RCOR3: variants seen among roughly 807,000 people sequenced by gnomAD.
The protein encoded by RCOR3 is REST corepressor 3.
A neutral mutation model predicts 64.1 loss-of-function variants in RCOR3; 13 were observed. That is an observed-to-expected ratio of 0.20 (90% CI 0.13 to 0.32). The LOEUF is 0.32. Ranked by LOEUF, RCOR3 falls within the 10% of genes least tolerant of loss-of-function variation. The pLI is 1.00. For missense variants in RCOR3, 489 were observed against 701.2 expected (o/e 0.70, Z 3.42); for synonymous variants, 215 against 239.0 (o/e 0.90, Z 0.93).
chr1:211,286,520 T>G lies in RCOR3; in HGVS notation c.721-2658T>G, dbSNP rs530517767. ...GATGGGGTTTCACCGGGTTAGCCAGTATGGTCTCGATCTCCTGACCTCGTG... is the reference window on the plus strand; with the variant it reads ...GATGGGGTTTCACCGGGTTAGCCAGGATGGTCTCGATCTCCTGACCTCGTG... On this transcript the variant is annotated intron_variant, in intron 7 of 11. Transcript: ENST00000419091. Among the ~76,000 whole-genome samples the G allele has an allele frequency of 5.3e-5, 8 of 152,082 alleles. No individual in the cohort carries two copies. The East Asian group carries it at 1.2e-3, about 22-fold the overall frequency.
chr1:211,279,645 A>G lies in RCOR3; in HGVS notation c.720+329A>G, dbSNP rs559516679. 1.4e-4 allele frequency among the ~76,000 whole-genome samples: 22 copies of G among 152,280 alleles called. No individual in the cohort carries two copies. The South Asian group carries it at 4.6e-3, about 32-fold the overall frequency. The stretch of plus-strand genomic sequence containing the variant: ...CACCTTAAGCTCTTTCATCAATGTT[A>G]TTTAAAAAATTCTCTTCTACTGTAA... On this transcript the variant is annotated intron_variant, in intron 7 of 11. Coordinates refer to ENST00000419091, the MANE Select transcript of RCOR3 (RefSeq NM_001136223.3).
At chr1:211,289,483 G>T (rs1365479710) in intron 8 of RCOR3, 87 bp downstream of exon 8, 23 of 1,117,106 alleles carry the variant, frequency 2.1e-5, no homozygotes, top group Non-Finnish European at 2.7e-5. Context: ...TCAGTTGTTT[G>T]CAGATTTTTC....
Position 211,276,456 on chromosome 1 carries a change from A to T in RCOR3, c.516+38A>T. ...TAATCTTACTGTGGTTCATATGTGA[A>T]TGATATCTTAAGCTACTATTAAACA... On this transcript the variant is annotated intron_variant, in intron 5 of 11. Transcript: ENST00000419091. The T allele has an allele frequency of 1.9e-6, 3 of 1,550,814 alleles. No individual in the cohort carries two copies. The South Asian group carries it at 3.5e-5, about 18-fold the overall frequency.
At chr1:211,272,912 C>T (rs1015710943) in intron 3 of RCOR3, among the ~76,000 whole-genome samples, 12 of 152,008 alleles carry the variant, frequency 7.9e-5, no homozygotes, top group East Asian at 1.9e-4. Context: ...TGAGCCACCG[C>T]GCCCGGCCTG....
intron 3 of RCOR3, chr1:211,271,562 G>T: frequency 1.8e-6 from 1 of 566,672 alleles, no homozygotes; most frequent in Non-Finnish European, 3.3e-6. Context: ...GGATCTGATG[G>T]CATTGCTGCT....
intron 9 of RCOR3, among the ~76,000 whole-genome samples, chr1:211,300,917 CGT>C (rs1055057869): frequency 2.6e-5 from 4 of 151,172 alleles, no homozygotes; most frequent in Non-Finnish European, 3.0e-5. Flanking sequence ...TGCGTGCGTG[CGT>C]GTGTGTGTGT....
chr1:211,309,483 A>G (rs1701274761), intron 10 of RCOR3, among the ~76,000 whole-genome samples: 1 of 151,932 alleles, frequency 6.6e-6, no homozygotes, highest in Non-Finnish European at 1.5e-5. Flanking sequence ...CAGCATAGAA[A>G]GCCAAGTTGT....
chr1:211,261,149 G>GC (rs1158426125), intron 2 of RCOR3: 1 of 151,884 alleles, frequency 6.6e-6, no homozygotes, highest in Non-Finnish European at 1.5e-5. Context: ...CCATAATATT[G>GC]CGTTTGTGTC....
intron 9 of RCOR3, among the ~76,000 whole-genome samples, chr1:211,300,071 CTTT>C (rs11419492): frequency 1.6e-5 from 2 of 121,296 alleles, no homozygotes; most frequent in Non-Finnish European, 3.3e-5. Flanking sequence ...TTCTTTCTTT[CTTT>C]TTTTTTTTTT....
At chr1:211,290,436 T>G (rs1039053315) in intron 8 of RCOR3, among the ~76,000 whole-genome samples, 4 of 152,232 alleles carry the variant, frequency 2.6e-5, no homozygotes, top group African/African-American at 9.6e-5. Context: ...AAATTTCCTT[T>G]AAATCAATTC....
intron 8 of RCOR3, among the ~76,000 whole-genome samples, chr1:211,293,117 A>ATAAATAAATAAATAAG (rs1322012556): frequency 2.7e-5 from 4 of 149,856 alleles, no homozygotes; most frequent in African/African-American, 9.8e-5. Context: ...AAATAAATAA[A>ATAAATAAATAAATAAG]TAAGTCTTAA....
rs770323039 is a variant in RCOR3, at chr1:211,313,641, C to T, written c.1535C>T (p.Pro512Leu). 2 of 1,614,254 alleles carry T rather than the reference C, an allele frequency of 1.2e-6. No homozygotes were observed. The highest frequency in any genetic ancestry group is 1.7e-5 in the Admixed American group (1 of 60,028). ...PRPTLNQPPP[P>L]LIRPANSMPP... ...CCAACTTTAAATCAGCCTCCACCAC[C>T]TCTTATTCGCCCTGCTAATTCCATG... is the stretch of plus-strand genomic sequence containing the variant. The change falls in exon 12 of 12, where the codon CCT (proline) becomes CTT (leucine). Residue 512 changes from proline (P) to leucine (L), a missense_variant. Pro to Leu is a moderately conservative substitution (Grantham distance 98, BLOSUM62 -3). This residue lies in a region of RCOR3 where 402 missense variants were observed against 617.0 expected (regional missense o/e 0.65). Transcript: ENST00000419091. The surrounding 1 kb of genome is among the most constrained non-coding windows in gnomAD (Gnocchi z 4.7).
At chr1:211,276,643 A>G (rs757858178) in intron 5 of RCOR3, among the ~76,000 whole-genome samples, 1 of 152,202 alleles carries the variant, frequency 6.6e-6, no homozygotes, top group Non-Finnish European at 1.5e-5. Flanking sequence ...CTTAAATAAC[A>G]TGTAATAATA....
At chr1:211,287,986 G>T (rs1698759462) in intron 7 of RCOR3, among the ~76,000 whole-genome samples, 2 of 152,122 alleles carry the variant, frequency 1.3e-5, no homozygotes, top group South Asian at 4.1e-4. Flanking sequence ...AAGGTAGGCA[G>T]ATCACTTGAG....
chr1:211,294,651 G>T (rs1295094342), intron 8 of RCOR3, among the ~76,000 whole-genome samples: 2 of 141,886 alleles, frequency 1.4e-5, no homozygotes, highest in Non-Finnish European at 3.0e-5. Context: ...GTGCAGCGGC[G>T]CGATCTCAGC....
chr1:211,310,972 TTAG>T (rs1365995851), intron 10 of RCOR3, among the ~76,000 whole-genome samples: 1 of 152,220 alleles, frequency 6.6e-6, no homozygotes, highest in East Asian at 1.9e-4. Context: ...TGGTTTCTAA[TTAG>T]TAGTTATTCT....
At chr1:211,277,589 C>T (rs1235394069) in intron 5 of RCOR3, among the ~76,000 whole-genome samples, 2 of 152,128 alleles carry the variant, frequency 1.3e-5, no homozygotes, top group Admixed American at 6.5e-5. Flanking sequence ...GTATGATTCC[C>T]TTTATGTAAA....
At chr1:211,298,301 G>C (rs1399033716) in intron 9 of RCOR3, among the ~76,000 whole-genome samples, 1 of 152,152 alleles carries the variant, frequency 6.6e-6, no homozygotes, top group Non-Finnish European at 1.5e-5. Flanking sequence ...CTTCTTAGAG[G>C]GGGAATACTG....
rs10524651 is a variant in RCOR3, at chr1:211,293,086, A to AAAATAAATAAATAAATAAAT, written c.940-2575_940-2556dup. ...GCGACAGAGTGAGACTCTGTCTCCA[A>AAAATAAATAAATAAATAAAT]AAATAAATAAATAAATAAATAAATA... On this transcript the variant is annotated intron_variant, in intron 8 of 11. Coordinates refer to ENST00000419091, the MANE Select transcript of RCOR3 (RefSeq NM_001136223.3). Among the ~76,000 whole-genome samples the AAAATAAATAAATAAATAAAT allele has an allele frequency of 5.0e-3, 715 of 143,030 alleles. 6 individuals carry two copies. The highest frequency in any genetic ancestry group is 0.015 in the African/African-American group (565 of 38,244). The allele number at this position is 143,030 out of a possible 152,430, so 93.8% of individuals were successfully genotyped here.
Sources: allele counts gnomAD v4.1 joint callset (sites outside exome capture counted in the v4.1 genomes callset), GRCh38; gene constraint gnomAD v4.1.1; regional missense constraint gnomAD v4.1.1; non-coding constraint Gnocchi (gnomAD v3.1); transcripts MANE v1.5; gene names NCBI Gene and HGNC (gene_info 2026-07-23, HGNC 2026-07-21).